Variants in HDAC2 observed in about 807,000 individuals in gnomAD.
HDAC2 encodes the protein YY1-associated factor 1.
In HDAC2, 5 loss-of-function variants were observed where a neutral mutation model predicts 68.5. The ratio of observed to expected loss-of-function variants is 0.07; its 90% CI spans 0.04 to 0.15. The LOEUF is 0.15. HDAC2 is among the 10% of genes least tolerant of loss of function. HDAC2 has a pLI of 1.00. For synonymous variants in HDAC2, 182 were observed against 191.3 expected (o/e 0.95, Z 0.40); for missense variants, 291 against 600.8 (o/e 0.48, Z 5.39).
At chr6:113,941,675 T>A in intron 13 of HDAC2, 33 bp downstream of exon 13, 1 of 899,524 alleles carries the variant, frequency 1.1e-6, no homozygotes, top group Non-Finnish European at 1.7e-6. Context: ...TTTTATAGTA[T>A]GTAAAAAGTA....
At chr6:113,961,846 C>T (rs1291676437) in intron 1 of HDAC2, among the ~76,000 whole-genome samples, 2 of 152,130 alleles carry the variant, frequency 1.3e-5, no homozygotes, top group African/African-American at 2.4e-5. Context: ...TATGAGGTTT[C>T]GTGGGATGAC....
At chr6:113,963,995 T>C (rs899731706) in intron 1 of HDAC2, among the ~76,000 whole-genome samples, 6 of 152,204 alleles carry the variant, frequency 3.9e-5, no homozygotes, top group Admixed American at 6.5e-5. Flanking sequence ...GATAATATGG[T>C]ACACCTGCCA....
chr6:113,954,921 T>C (rs1254594833), intron 5 of HDAC2, among the ~76,000 whole-genome samples: 1 of 152,184 alleles, frequency 6.6e-6, no homozygotes, highest in Non-Finnish European at 1.5e-5. Flanking sequence ...CAGCCACAGA[T>C]AAGGAAAAAT....
intron 1 of HDAC2, among the ~76,000 whole-genome samples, chr6:113,967,793 ACTAT>A (rs1486549812): frequency 1.1e-4 from 16 of 152,348 alleles, no homozygotes; most frequent in African/African-American, 3.4e-4. Flanking sequence ...GATCTTAGTG[ACTAT>A]CTAATTAGCT....
Position 113,933,713 on chromosome 6 carries a change from T to C in HDAC2, c.*7345A>G, listed in dbSNP as rs1419279554. The C allele has an allele frequency of 2.0e-5, 3 of 152,108 alleles. No individual in the cohort carries two copies. The highest frequency in any genetic ancestry group is 1.9e-4 in the East Asian group (1 of 5,188). 9.4% of individuals were successfully genotyped at this position (152,108 alleles called of 1,614,324 possible). A position where few individuals can be genotyped will look rare whatever the true frequency, so the allele number is the denominator to read the frequency against. On this transcript the variant is annotated 3_prime_UTR_variant, in exon 14 of 14. Transcript: ENST00000519065. Reference sequence around the variant, plus strand: ...TATGAAACTCTTAATCCAGTGAAAGTAAGCAGAATGGTGGCTGCTCCTTGT... The same window carrying C: ...TATGAAACTCTTAATCCAGTGAAAGCAAGCAGAATGGTGGCTGCTCCTTGT...
In HDAC2 at chr6:113,958,700, G is replaced by T; in HGVS notation, c.232C>A (p.Arg78=). The T allele has an allele frequency of 6.2e-7, 1 of 1,607,926 alleles. No individual in the cohort carries two copies. The highest frequency in any genetic ancestry group is 8.5e-7 in the Non-Finnish European group (1 of 1,175,680). Residue 78 remains arginine (R), a synonymous_variant, in exon 3 of 14, where the codon CGG becomes AGG. Coordinates refer to ENST00000519065, the MANE Select transcript of HDAC2 (RefSeq NM_001527.4). ...GACATGTTATCTGGTCTTATTGACC[G>T]TAGAAATTTGATATACTCATCACTG... ...YHSDEYIKFL[R]SIRPDNMSEY...
At chr6:113,970,342 C>A (rs1014178432) in intron 1 of HDAC2, 3 of 493,718 alleles carry the variant, frequency 6.1e-6, no homozygotes, top group Non-Finnish European at 7.9e-6. Flanking sequence ...GGCGAGCAGG[C>A]GAGGAGGAGG....
In HDAC2 at chr6:113,943,468, ATTC is replaced by A; in HGVS notation, c.1258_1260del (p.Glu420del). On this transcript the variant is annotated inframe_deletion, in exon 12 of 14. Transcript: ENST00000519065. ...TCTCCTTCATCCTCAGAATCTGAGAATTCTTCATCACAAGCTATCCGCTTGTCT... is the reference window on the plus strand; with the variant it reads ...TCTCCTTCATCCTCAGAATCTGAGAATTCATCACAAGCTATCCGCTTGTCT... The A allele has an allele frequency of 6.2e-7, 1 of 1,609,260 alleles. No homozygotes were observed.
chr6:113,962,098 AAGC>A (rs1466187996), intron 1 of HDAC2, among the ~76,000 whole-genome samples: 8 of 152,162 alleles, frequency 5.3e-5, no homozygotes, highest in East Asian at 1.9e-4. Context: ...AAAAAAAAAA[AAGC>A]AGTAATTAAC....
intron 8 of HDAC2, 145 bp from the exon 9 acceptor site, chr6:113,946,293 T>A (rs1336562124): frequency 3.3e-6 from 2 of 614,098 alleles, no homozygotes; most frequent in African/African-American, 1.9e-5. Flanking sequence ...ATGTAAAAAA[T>A]GTCAAGTCTA....
Position 113,933,607 on chromosome 6 carries a change from C to CT in HDAC2, c.*7450dup, listed in dbSNP as rs1332986605. On this transcript the variant is annotated 3_prime_UTR_variant, in exon 14 of 14. Coordinates refer to ENST00000519065, the MANE Select transcript of HDAC2 (RefSeq NM_001527.4). ...TCCATTCCACAAATAATAATTGAGG[C>CT]TTTATTTATGTGTTAGGCACTGTTC... 6 of 151,266 alleles carry CT rather than the reference C, an allele frequency of 4.0e-5. No individual in the cohort carries two copies. The highest frequency in any genetic ancestry group is 1.5e-4 in the African/African-American group (6 of 41,182). The allele number at this position is 151,266 out of a possible 1,614,324, so 9.4% of individuals were successfully genotyped here.
chr6:113,964,008 T>C (rs780434726), intron 1 of HDAC2, among the ~76,000 whole-genome samples: 28 of 152,350 alleles, frequency 1.8e-4, no homozygotes, highest in Non-Finnish European at 2.8e-4. Context: ...ACCTGCCATA[T>C]ATTATGTAAT....
chr6:113,937,142 TAA>T lies in HDAC2; in HGVS notation c.*3914_*3915del, dbSNP rs1417465950. ...GAGGCACAGAGGTTAGTAATTTTCC[TAA>T]GATTATGGTGGAGATCCTAAGCTAT... On this transcript the variant is annotated 3_prime_UTR_variant, in exon 14 of 14. Coordinates refer to ENST00000519065, the MANE Select transcript of HDAC2 (RefSeq NM_001527.4). 1 of 152,222 alleles carries T rather than the reference TAA, an allele frequency of 6.6e-6. No homozygotes were observed. Among genetic ancestry groups the T allele is most frequent in the East Asian group, 1.9e-4 (1 of 5,204 alleles). The allele number at this position is 152,222 out of a possible 1,614,324, so 9.4% of individuals were successfully genotyped here.
intron 1 of HDAC2, among the ~76,000 whole-genome samples, chr6:113,969,073 T>A (rs555573554): frequency 6.6e-6 from 1 of 152,248 alleles, no homozygotes; most frequent in African/African-American, 2.4e-5. Context: ...AATTAACTTA[T>A]ACGCAGGGTT....
At chr6:113,951,209 A>C (rs1187104408) in intron 6 of HDAC2, among the ~76,000 whole-genome samples, 1 of 152,198 alleles carries the variant, frequency 6.6e-6, no homozygotes, top group Non-Finnish European at 1.5e-5. Context: ...TCTTTCTTCC[A>C]CTAGACTACT....
At chr6:113,968,796 T>C (rs1776894595) in intron 1 of HDAC2, 1 of 152,172 alleles carries the variant, frequency 6.6e-6, no homozygotes, top group South Asian at 2.1e-4. Context: ...CCTGCTCCCA[T>C]TCCCACAACG....
chr6:113,965,244 A>G (rs947523936), intron 1 of HDAC2, among the ~76,000 whole-genome samples: 3 of 152,168 alleles, frequency 2.0e-5, no homozygotes, highest in Non-Finnish European at 4.4e-5. Context: ...ATTAATAACT[A>G]TCTGGCTTTG....
At chr6:113,945,247 G>GA (rs1334233959) in intron 10 of HDAC2, 115 bp downstream of exon 10, 9 of 446,316 alleles carry the variant, frequency 2.0e-5, no homozygotes, top group Non-Finnish European at 3.2e-5. Flanking sequence ...AAATCCTTTA[G>GA]AAAAAAACAA....
rs773021960 is a variant in HDAC2 at position 113,945,329 on chromosome 6, A to C, written c.1091+33T>G. The C allele has an allele frequency of 1.1e-5, 11 of 1,002,836 alleles. No homozygotes were observed. In the Admixed American group the frequency reaches 1.8e-4, roughly 17 times the overall value. 62.1% of individuals were successfully genotyped at this position (1,002,836 alleles called of 1,614,324 possible). ...GCATACTAAATCTTTGTCAAGATAA[A>C]ATGTTTATCAAAACAATTCAATGAT... On this transcript the variant is annotated intron_variant, in intron 10 of 13. Coordinates refer to ENST00000519065, the MANE Select transcript of HDAC2 (RefSeq NM_001527.4).
Sources: gnomAD v4.1 joint callset for allele counts (sites outside exome capture counted in the v4.1 genomes callset) on GRCh38, gnomAD v4.1.1 for gene constraint, MANE v1.5 for transcripts, NCBI Gene and HGNC (gene_info 2026-07-23, HGNC 2026-07-21) for gene names.